The following RORB variants were observed in gnomAD, a reference collection of about 807,000 sequenced individuals.
RORB encodes nuclear receptor ROR-beta.
RORB carries 6 observed loss-of-function variants against 59.1 expected under a neutral mutation model. The observed-to-expected ratio is 0.10, with a 90% CI of 0.06 to 0.20. The LOEUF is 0.20. Among genes scored for constraint, RORB ranks in the 10% least tolerant of loss-of-function variants. The pLI is 1.00. For missense variants in RORB, 320 were observed against 560.5 expected (o/e 0.57, Z 4.33); for synonymous variants, 215 against 204.5 (o/e 1.05, Z -0.44).
rs1223733940 is a variant in RORB at position 74,531,045 on chromosome 9, T to G, written c.7+33062T>G. On this transcript the variant is annotated intron_variant, in intron 1 of 9. Transcript: ENST00000376896. Reference sequence around the variant, plus strand: ...TTCATAAGGCACTAGATTATTATATTGTTAATGATACTATCCTGCAATATA... The same window carrying G: ...TTCATAAGGCACTAGATTATTATATGGTTAATGATACTATCCTGCAATATA... Among the ~76,000 whole-genome samples, 4 of 152,000 alleles carry G rather than the reference T, an allele frequency of 2.6e-5. No individual in the cohort carries two copies. In the East Asian group the frequency reaches 5.8e-4, roughly 22 times the overall value.
chr9:74,531,669 TTAA>T (rs1003050587), intron 1 of RORB, among the ~76,000 whole-genome samples: 12 of 151,956 alleles, frequency 7.9e-5, no homozygotes, highest in Admixed American at 6.6e-4. Flanking sequence ...TTTGGCTCCT[TTAA>T]TATACAAGAG....
chr9:74,679,370 G>A (rs540612785), intron 9 of RORB, among the ~76,000 whole-genome samples: 9 of 152,274 alleles, frequency 5.9e-5, no homozygotes, highest in Admixed American at 3.9e-4. Flanking sequence ...TAGCATACCC[G>A]TGTGACCACT....
chr9:74,513,510 T>C (rs1023989949), intron 1 of RORB, among the ~76,000 whole-genome samples: 12 of 152,060 alleles, frequency 7.9e-5, no homozygotes, highest in Non-Finnish European at 1.3e-4. Flanking sequence ...ATAATGATAA[T>C]AATTCAATCT....
chr9:74,511,930 T>C (rs1203866243), intron 1 of RORB, among the ~76,000 whole-genome samples: 3 of 151,666 alleles, frequency 2.0e-5, no homozygotes, highest in Admixed American at 1.3e-4. Context: ...TCTGGTCTTT[T>C]TGAGAATCGT....
At chr9:74,598,975 C>T (rs1823013740) in intron 1 of RORB, among the ~76,000 whole-genome samples, 1 of 152,154 alleles carries the variant, frequency 6.6e-6, no homozygotes, top group Non-Finnish European at 1.5e-5. Flanking sequence ...CATGAATACT[C>T]TATTCCCTCA....
At chr9:74,520,814 T>A (rs980814716) in intron 1 of RORB, among the ~76,000 whole-genome samples, 3 of 151,908 alleles carry the variant, frequency 2.0e-5, no homozygotes, top group African/African-American at 7.2e-5. Flanking sequence ...AGCTAACCAT[T>A]ATCACTAACC....
At chr9:74,574,266 G>C (rs565389678) in intron 1 of RORB, among the ~76,000 whole-genome samples, 48 of 152,110 alleles carry the variant, frequency 3.2e-4, no homozygotes, top group African/African-American at 1.0e-3. Context: ...GGGGTCCTCC[G>C]TAAATACAAT....
intron 4 of RORB, among the ~76,000 whole-genome samples, chr9:74,655,823 G>C (rs1306961334): frequency 6.6e-6 from 1 of 152,124 alleles, no homozygotes; most frequent in African/African-American, 2.4e-5. Flanking sequence ...AAGTCTAGCT[G>C]TACCGCGTCT....
At chr9:74,599,060 G>A (rs1187389176) in intron 1 of RORB, among the ~76,000 whole-genome samples, 1 of 152,044 alleles carries the variant, frequency 6.6e-6, no homozygotes, top group East Asian at 1.9e-4. Flanking sequence ...TGCATAACCC[G>A]AACACCTCCC....
At chr9:74,538,503 A>G (rs1025676264) in intron 1 of RORB, among the ~76,000 whole-genome samples, 3 of 152,114 alleles carry the variant, frequency 2.0e-5, no homozygotes, top group Non-Finnish European at 2.9e-5. Context: ...TGCATAATTT[A>G]TTGTGAAAGT....
intron 1 of RORB, 49 bp downstream of exon 1, chr9:74,498,032 G>C: frequency 6.3e-7 from 1 of 1,598,690 alleles, no homozygotes; most frequent in Non-Finnish European, 8.5e-7. Context: ...GCCAACTCCA[G>C]CCAGACGGGG....
intron 1 of RORB, among the ~76,000 whole-genome samples, chr9:74,557,388 G>A (rs1049031969): frequency 6.6e-6 from 1 of 152,162 alleles, no homozygotes; most frequent in Non-Finnish European, 1.5e-5. Context: ...GCCAGCATGA[G>A]GAGCAAGCCT....
chr9:74,610,576 T>C (rs1468916169), intron 1 of RORB, among the ~76,000 whole-genome samples: 1 of 152,178 alleles, frequency 6.6e-6, no homozygotes, highest in Non-Finnish European at 1.5e-5. Flanking sequence ...TACCATCATC[T>C]TGAGGGTAAG....
intron 1 of RORB, among the ~76,000 whole-genome samples, chr9:74,561,498 C>T (rs944229253): frequency 6.6e-5 from 10 of 152,076 alleles, no homozygotes; most frequent in African/African-American, 2.4e-4. Context: ...ACTTAATGTG[C>T]CATGTTCATC....
intron 1 of RORB, among the ~76,000 whole-genome samples, chr9:74,580,748 C>T (rs1013878310): frequency 1.2e-4 from 18 of 152,208 alleles, no homozygotes; most frequent in Non-Finnish European, 2.4e-4. Flanking sequence ...TAAGAAAACT[C>T]GCTAGCCAAT....
intron 9 of RORB, among the ~76,000 whole-genome samples, chr9:74,679,710 TA>T (rs1824511766): frequency 6.6e-6 from 1 of 152,184 alleles, no homozygotes; most frequent in African/African-American, 2.4e-5. Flanking sequence ...GCATATACTA[TA>T]GGTAAAACAT....
chr9:74,510,956 C>G (rs1265083010), intron 1 of RORB, among the ~76,000 whole-genome samples: 1 of 152,130 alleles, frequency 6.6e-6, no homozygotes, highest in African/African-American at 2.4e-5. Flanking sequence ...AACTTAAACC[C>G]TTAAAAATAT....
chr9:74,570,649 T>G (rs982619455), intron 1 of RORB, among the ~76,000 whole-genome samples: 2 of 152,158 alleles, frequency 1.3e-5, no homozygotes, highest in Non-Finnish European at 2.9e-5. Flanking sequence ...CCTTCTAGCT[T>G]TCACATAAGA....
At chr9:74,542,818 T>C (rs930634519) in intron 1 of RORB, among the ~76,000 whole-genome samples, 1 of 152,088 alleles carries the variant, frequency 6.6e-6, no homozygotes, top group Non-Finnish European at 1.5e-5. Context: ...TAAAAGGTAG[T>C]GGGGTATTGT....
Sources: allele counts gnomAD v4.1 joint callset (sites outside exome capture counted in the v4.1 genomes callset), GRCh38; gene constraint gnomAD v4.1.1; transcripts MANE v1.5; gene names NCBI Gene and HGNC (gene_info 2026-07-23, HGNC 2026-07-21).